The following GMDS variants were observed in gnomAD, a reference collection of about 807,000 sequenced individuals.
The protein encoded by GMDS is GDP-mannose 4,6 dehydratase.
Under a neutral mutation model 49.9 loss-of-function variants are expected in GMDS, and 20 were observed. The observed-to-expected ratio is 0.40, with a 90% CI of 0.28 to 0.58. The LOEUF is 0.58. Ranked by LOEUF, GMDS falls within the 20% of genes least tolerant of loss-of-function variation. The pLI is 0.42. For synonymous variants in GMDS, 177 were observed against 178.6 expected (o/e 0.99, Z 0.07); for missense variants, 362 against 481.4 (o/e 0.75, Z 2.32).
chr6:2,121,093 T>G (rs933439095), intron 2 of GMDS, among the ~76,000 whole-genome samples: 1 of 152,198 alleles, frequency 6.6e-6, no homozygotes, highest in Non-Finnish European at 1.5e-5. Context: ...GTTGAGTGAC[T>G]TGCCCAGGGT....
chr6:2,031,220 T>C (rs922986453), intron 4 of GMDS, among the ~76,000 whole-genome samples: 1 of 151,956 alleles, frequency 6.6e-6, no homozygotes, highest in South Asian at 2.1e-4. Context: ...AGAGAGCTCT[T>C]TTCCCTTTCA....
intron 4 of GMDS, among the ~76,000 whole-genome samples, chr6:1,985,517 T>C (rs1271191970): frequency 6.6e-6 from 1 of 152,168 alleles, no homozygotes; most frequent in African/African-American, 2.4e-5. Context: ...AACATCTCTC[T>C]TTAACAATGA....
At chr6:1,834,459 G>A (rs1428614031) in intron 7 of GMDS, among the ~76,000 whole-genome samples, 3 of 151,966 alleles carry the variant, frequency 2.0e-5, no homozygotes, top group African/African-American at 4.8e-5. Flanking sequence ...TTTTCTTAGC[G>A]CTTGACATCT....
intron 4 of GMDS, among the ~76,000 whole-genome samples, chr6:1,974,192 T>G (rs1038515267): frequency 6.6e-6 from 1 of 150,966 alleles, no homozygotes; most frequent in Admixed American, 6.6e-5. Context: ...TAAAAGAGCC[T>G]TTTTAAAATA....
chr6:2,030,189 G>C (rs909820552), intron 4 of GMDS, among the ~76,000 whole-genome samples: 3 of 152,168 alleles, frequency 2.0e-5, no homozygotes, highest in Non-Finnish European at 4.4e-5. Context: ...AAGAGTCTGT[G>C]GGTTTGGTCT....
chr6:2,021,265 T>G lies in GMDS; in HGVS notation c.346-60299A>C, dbSNP rs72830125. ...TTCTGGTCTATTTATAACCAGCCAT[T>G]CTAAGGAGCCAAATGCTGATCATCT... is the stretch of plus-strand genomic sequence containing the variant. On this transcript the variant is annotated intron_variant, in intron 4 of 10. Coordinates refer to ENST00000380815, the MANE Select transcript of GMDS (RefSeq NM_001500.4). Among the ~76,000 whole-genome samples, 1,434 of 152,304 alleles carry G rather than the reference T, an allele frequency of 9.4e-3. 8 individuals are homozygous for G. Among genetic ancestry groups the G allele is most frequent in the Non-Finnish European group, 0.016 (1,062 of 68,018 alleles).
chr6:2,028,919 G>A (rs1283059288), intron 4 of GMDS, among the ~76,000 whole-genome samples: 1 of 151,920 alleles, frequency 6.6e-6, no homozygotes, highest in East Asian at 1.9e-4. Context: ...AATGTTTTGG[G>A]AGCAAAGCAT....
At chr6:1,847,923 G>C (rs1005090512) in intron 7 of GMDS, among the ~76,000 whole-genome samples, 5 of 152,128 alleles carry the variant, frequency 3.3e-5, no homozygotes, top group Admixed American at 6.5e-5. Flanking sequence ...GAAGGAAAGA[G>C]TGAGACGAGA....
intron 9 of GMDS, among the ~76,000 whole-genome samples, chr6:1,636,574 G>T (rs1249116465): frequency 5.3e-5 from 8 of 152,226 alleles, no homozygotes; most frequent in Non-Finnish European, 8.8e-5. Context: ...TGGCCGTCCT[G>T]AAGGTGCCTG....
intron 4 of GMDS, among the ~76,000 whole-genome samples, chr6:1,990,345 C>T (rs1363553382): frequency 6.6e-6 from 1 of 152,122 alleles, no homozygotes; most frequent in Non-Finnish European, 1.5e-5. Flanking sequence ...CCACCACCAC[C>T]ATCCCATCCT....
At chr6:2,114,192 A>G (rs1218052794) in intron 4 of GMDS, among the ~76,000 whole-genome samples, 1 of 152,196 alleles carries the variant, frequency 6.6e-6, no homozygotes, top group Non-Finnish European at 1.5e-5. Flanking sequence ...TTTCATTACA[A>G]TTTTCAGCTC....
intron 1 of GMDS, among the ~76,000 whole-genome samples, chr6:2,217,592 C>G (rs1053119314): frequency 2.6e-5 from 4 of 152,122 alleles, no homozygotes; most frequent in Admixed American, 2.6e-4. Context: ...AATGTGCTTA[C>G]AATAATGCTG....
At chr6:1,863,521 T>G (rs1012888286) in intron 7 of GMDS, among the ~76,000 whole-genome samples, 15 of 152,014 alleles carry the variant, frequency 9.9e-5, no homozygotes, top group African/African-American at 3.4e-4. Flanking sequence ...CCAATATAAG[T>G]GGGGAAGGGG....
At chr6:2,079,524 G>C (rs1374454216) in intron 4 of GMDS, among the ~76,000 whole-genome samples, 1 of 152,050 alleles carries the variant, frequency 6.6e-6, no homozygotes, top group Non-Finnish European at 1.5e-5. Context: ...ACTCCCTTAA[G>C]CAATTTCTGG....
chr6:1,731,132 AC>A (rs2113454948), intron 8 of GMDS, among the ~76,000 whole-genome samples: 1 of 152,338 alleles, frequency 6.6e-6, no homozygotes, highest in East Asian at 1.9e-4. Flanking sequence ...ATAGAAATTC[AC>A]AATCCAAGAG....
At chr6:1,938,240 C>T (rs140683716) in intron 6 of GMDS, among the ~76,000 whole-genome samples, 89 of 152,296 alleles carry the variant, frequency 5.8e-4, no homozygotes, top group Middle Eastern at 3.4e-3. Flanking sequence ...GGGTCTCCTT[C>T]TTCAGGGGAA....
At chr6:1,835,165 G>T (rs56347469) in intron 7 of GMDS, among the ~76,000 whole-genome samples, 1,660 of 152,246 alleles carry the variant, frequency 0.011, 23 homozygotes, top group African/African-American at 0.038. Context: ...GCGTAAGGGG[G>T]GGTCTGTCAG....
intron 6 of GMDS, among the ~76,000 whole-genome samples, chr6:1,943,234 A>G (rs1363197361): frequency 3.9e-5 from 6 of 152,158 alleles, no homozygotes; most frequent in South Asian, 2.1e-4. Flanking sequence ...CTGTATCCAC[A>G]GCTAGTTCCC....
intron 9 of GMDS, among the ~76,000 whole-genome samples, chr6:1,697,210 G>A (rs534191900): frequency 1.2e-4 from 18 of 152,298 alleles, no homozygotes; most frequent in Middle Eastern, 3.4e-3. Flanking sequence ...GTTGCAGTGC[G>A]TTGACGGCAG....
Sources: gnomAD v4.1 joint callset for allele counts (sites outside exome capture counted in the v4.1 genomes callset) on GRCh38, gnomAD v4.1.1 for gene constraint, MANE v1.5 for transcripts, NCBI Gene and HGNC (gene_info 2026-07-23, HGNC 2026-07-21) for gene names.